Variants in FAF1 observed in about 807,000 individuals in gnomAD.
FAF1 encodes FAS-associated factor 1.
Under a neutral mutation model 92.5 loss-of-function variants are expected in FAF1, and 25 were observed. The ratio of observed to expected loss-of-function variants is 0.27; its 90% confidence interval spans 0.20 to 0.38. The LOEUF (loss-of-function observed/expected upper bound fraction) is 0.38, where lower values mean the gene tolerates loss of function less well. Ranked by LOEUF, FAF1 falls within the 10% of genes least tolerant of loss-of-function variation. FAF1 has a pLI of 1.00. For synonymous variants in FAF1, 234 were observed against 273.2 expected (o/e 0.86, Z 1.42); for missense variants, 636 against 793.3 (o/e 0.80, Z 2.38).
chr1:50,846,481 A>AATT (rs1570043924), intron 2 of FAF1: 1 of 482,420 alleles, frequency 2.1e-6, no homozygotes, highest in Non-Finnish European at 4.1e-6. Context: ...GCCCCGCTAT[A>AATT]AGCTGGCTTT....
chr1:50,586,777 C>T (rs1651252765), intron 9 of FAF1, among the ~76,000 whole-genome samples: 2 of 152,190 alleles, frequency 1.3e-5, no homozygotes, highest in Admixed American at 1.3e-4. Context: ...TTTACTAGGA[C>T]AACAGTGCTT....
chr1:50,850,323 T>C (rs1265298071), intron 2 of FAF1, among the ~76,000 whole-genome samples: 1 of 152,150 alleles, frequency 6.6e-6, no homozygotes, highest in Admixed American at 6.6e-5. Flanking sequence ...GGTTAAATGC[T>C]AGAACTTTCA....
At chr1:50,759,943 A>G (rs1569899169) in intron 4 of FAF1, among the ~76,000 whole-genome samples, 1 of 152,182 alleles carries the variant, frequency 6.6e-6, no homozygotes, top group Non-Finnish European at 1.5e-5. Flanking sequence ...GGCTGCATAA[A>G]TATCTTCTTT....
At chr1:50,447,400 C>G (rs1482941401) in intron 18 of FAF1, among the ~76,000 whole-genome samples, 1 of 152,170 alleles carries the variant, frequency 6.6e-6, no homozygotes, top group Admixed American at 6.5e-5. Flanking sequence ...GCTGGGATTA[C>G]AGGCGTGAGC....
chr1:50,804,787 A>G (rs1316949820), intron 2 of FAF1, among the ~76,000 whole-genome samples: 1 of 152,204 alleles, frequency 6.6e-6, no homozygotes, highest in Non-Finnish European at 1.5e-5. Flanking sequence ...GAGAGACAAA[A>G]AAAGCCACAA....
rs1175625543 is a variant in FAF1 at position 50,440,045 on chromosome 1, G to C, written c.*1395C>G. On this transcript the variant is annotated 3_prime_UTR_variant, in exon 19 of 19. Transcript: ENST00000396153. ...GCAGACCTATCTCCAGCTTTGGTTA[G>C]AATCTTCTGAGAACCCCTTGGCCGA... is the stretch of plus-strand genomic sequence containing the variant. 1 of 152,196 alleles carries C rather than the reference G, an allele frequency of 6.6e-6. No homozygotes were observed. Among genetic ancestry groups the C allele is most frequent in the Non-Finnish European group, 1.5e-5 (1 of 68,042 alleles). The allele number at this position is 152,196 out of a possible 1,614,324, so 9.4% of individuals were successfully genotyped here.
chr1:50,690,108 G>T (rs1298802005), intron 7 of FAF1, among the ~76,000 whole-genome samples: 2 of 146,930 alleles, frequency 1.4e-5, no homozygotes, highest in Non-Finnish European at 3.0e-5. Context: ...CAATTCTCCT[G>T]CCTCAGCCTC....
In FAF1 at chr1:50,872,851, A is replaced by T. The variant is rs1253420077; in HGVS notation, c.46-14854T>A. 2.0e-5 allele frequency among the ~76,000 whole-genome samples: 3 copies of T among 151,874 alleles called. No individual in the cohort carries two copies. The East Asian group carries it at 5.8e-4, about 29-fold the overall frequency. On this transcript the variant is annotated intron_variant, in intron 1 of 18. Coordinates refer to ENST00000396153, the MANE Select transcript of FAF1 (RefSeq NM_007051.3). ...GGAGGCGGAGTTGCAGTGAGCCGAG[A>T]TTGCGCCACTGCACTCCAGCCTGGG...
At chr1:50,884,712 G>T (rs1644643656) in intron 1 of FAF1, among the ~76,000 whole-genome samples, 1 of 152,018 alleles carries the variant, frequency 6.6e-6, no homozygotes, top group African/African-American at 2.4e-5. Flanking sequence ...ATACTGAACT[G>T]TAGTTTTTTT....
chr1:50,959,734 G>A, intron 1 of FAF1, 33 bp downstream of exon 1: 3 of 1,589,346 alleles, frequency 1.9e-6, no homozygotes, highest in Non-Finnish European at 2.6e-6. Context: ...CACGAGGTTG[G>A]AAGTGGGAGG....
chr1:50,796,740 C>T (rs1373093557), intron 3 of FAF1, among the ~76,000 whole-genome samples: 1 of 152,146 alleles, frequency 6.6e-6, no homozygotes, highest in East Asian at 1.9e-4. Flanking sequence ...CTCCTGCAGT[C>T]ACTCTATCTA....
rs374533866 is a variant in FAF1, at chr1:50,738,036, C to T, written c.551+827G>A. 2.7e-4 allele frequency among the ~76,000 whole-genome samples: 41 copies of T among 152,152 alleles called. 1 individual carries two copies. The South Asian group carries it at 7.5e-3, about 28-fold the overall frequency. On this transcript the variant is annotated intron_variant, in intron 6 of 18. Transcript: ENST00000396153. Reference sequence around the variant, plus strand: ...GTTTGCTTCATTAAACAATAAAAAACGTAATGTATAATTAAAAATTAAAAT... The same window carrying T: ...GTTTGCTTCATTAAACAATAAAAAATGTAATGTATAATTAAAAATTAAAAT...
At chr1:50,835,794 G>C (rs1432273334) in intron 2 of FAF1, among the ~76,000 whole-genome samples, 2 of 152,062 alleles carry the variant, frequency 1.3e-5, no homozygotes, top group East Asian at 3.9e-4. Flanking sequence ...AGCCAATTAG[G>C]TAAGAGTATA....
chr1:50,934,919 T>C (rs985214380), intron 1 of FAF1, among the ~76,000 whole-genome samples: 1 of 152,218 alleles, frequency 6.6e-6, no homozygotes. Context: ...CATGAATGTT[T>C]TTCCCCCTCC....
At chr1:50,450,268 C>A (rs1385431247) in intron 18 of FAF1, among the ~76,000 whole-genome samples, 1 of 151,330 alleles carries the variant, frequency 6.6e-6, no homozygotes, top group Non-Finnish European at 1.5e-5. Flanking sequence ...TATATATTAT[C>A]TAATTAAATG....
chr1:50,831,112 T>C (rs1211309484), intron 2 of FAF1, among the ~76,000 whole-genome samples: 1 of 152,124 alleles, frequency 6.6e-6, no homozygotes, highest in Non-Finnish European at 1.5e-5. Context: ...TAAAGGTGAA[T>C]TGAGTCAGTA....
At chr1:50,661,889 C>T (rs544133502) in intron 7 of FAF1, among the ~76,000 whole-genome samples, 4 of 152,268 alleles carry the variant, frequency 2.6e-5, no homozygotes, top group South Asian at 2.1e-4. Context: ...ATTGTATACA[C>T]GTTGCAGTTG....
At chr1:50,613,430 A>G (rs749083513) in intron 8 of FAF1, among the ~76,000 whole-genome samples, 4 of 152,210 alleles carry the variant, frequency 2.6e-5, no homozygotes, top group Non-Finnish European at 5.9e-5. Context: ...TTCATTTCAT[A>G]CTTAATGTTC....
At chr1:50,507,134 G>A (rs531826001) in intron 15 of FAF1, among the ~76,000 whole-genome samples, 1 of 152,280 alleles carries the variant, frequency 6.6e-6, no homozygotes, top group Admixed American at 6.5e-5. Context: ...ACTGGACACA[G>A]GGCAGGGCAC....
Sources: allele counts gnomAD v4.1 joint callset (sites outside exome capture counted in the v4.1 genomes callset), GRCh38; gene constraint gnomAD v4.1.1; transcripts MANE v1.5; gene names NCBI Gene and HGNC (gene_info 2026-07-23, HGNC 2026-07-21).